FBXO21: variants seen among roughly 807,000 people sequenced by gnomAD.
The protein encoded by FBXO21 is F-box only protein 21.
FBXO21 carries 32 observed loss-of-function variants against 76.6 expected under a neutral mutation model. The observed-to-expected ratio is 0.42, with a 90% CI of 0.32 to 0.56. The LOEUF (loss-of-function observed/expected upper bound fraction) is 0.56. Ranked by LOEUF, FBXO21 falls within the 20% of genes least tolerant of loss-of-function variation. The pLI is 0.16. For missense variants in FBXO21, 586 were observed against 797.3 expected, an observed-to-expected ratio of 0.73 and a Z score of 3.19; for synonymous variants, 328 against 311.5, an observed-to-expected ratio of 1.05 and a Z score of -0.56.
intron 3 of FBXO21, among the ~76,000 whole-genome samples, chr12:117,185,026 G>A (rs1485519517): frequency 6.6e-6 from 1 of 152,048 alleles, no homozygotes; most frequent in Admixed American, 6.6e-5. Flanking sequence ...TGTAAACAGA[G>A]GGAATGGGGA....
At chr12:117,187,725 A>G (rs1336750716) in intron 2 of FBXO21, among the ~76,000 whole-genome samples, 1 of 152,250 alleles carries the variant, frequency 6.6e-6, no homozygotes, top group Non-Finnish European at 1.5e-5. Flanking sequence ...TTCAAAACAT[A>G]CACAAAACCA....
chr12:117,146,424 G>T, intron 11 of FBXO21, 147 bp from the exon 12 acceptor site: 1 of 651,208 alleles, frequency 1.5e-6, no homozygotes. Context: ...GTCAGGAGAG[G>T]GTAATGGGAA....
intron 6 of FBXO21, 58 bp from the exon 7 acceptor site, chr12:117,172,665 C>T: frequency 6.4e-7 from 1 of 1,557,532 alleles, no homozygotes; most frequent in Non-Finnish European, 8.8e-7. Context: ...CTCATTCTTT[C>T]AATAAACATT....
intron 1 of FBXO21, 26 bp downstream of exon 1, chr12:117,190,192 G>A (rs1204060257): frequency 6.4e-6 from 8 of 1,245,764 alleles, no homozygotes; most frequent in Admixed American, 7.8e-5. Flanking sequence ...TGGGCGCGCA[G>A]CCGGGGCGCG....
At chr12:117,170,186 T>C (rs1956103716) in intron 7 of FBXO21, among the ~76,000 whole-genome samples, 1 of 146,236 alleles carries the variant, frequency 6.8e-6, no homozygotes. Flanking sequence ...AGAATAAATC[T>C]AACAAGATGT....
At chr12:117,153,854 C>T (rs1016712741) in intron 11 of FBXO21, among the ~76,000 whole-genome samples, 1 of 152,226 alleles carries the variant, frequency 6.6e-6, no homozygotes, top group Non-Finnish European at 1.5e-5. Context: ...AACCAACAAG[C>T]AGATATTAAT....
chr12:117,174,003 T>C (rs1956146142), intron 6 of FBXO21, among the ~76,000 whole-genome samples: 1 of 151,840 alleles, frequency 6.6e-6, no homozygotes, highest in South Asian at 2.1e-4. Flanking sequence ...ATTAGCCGGG[T>C]GTGGTGGCAT....
At chr12:117,162,615 T>C (rs1002621723) in intron 9 of FBXO21, among the ~76,000 whole-genome samples, 3 of 152,206 alleles carry the variant, frequency 2.0e-5, no homozygotes, top group African/African-American at 7.2e-5. Flanking sequence ...CCAAGGCGGC[T>C]GATGTTTCTT....
chr12:117,175,347 C>A (rs12298285), intron 4 of FBXO21, among the ~76,000 whole-genome samples: 2 of 152,170 alleles, frequency 1.3e-5, no homozygotes, highest in South Asian at 4.1e-4. Context: ...GCTCGGGGAA[C>A]CTACAGCTGA....
chr12:117,182,564 C>CTTTTTTTTT (rs891529583), intron 3 of FBXO21, among the ~76,000 whole-genome samples: 6 of 83,338 alleles, frequency 7.2e-5, no homozygotes, highest in South Asian at 5.5e-4. Context: ...GCAAGAGGAT[C>CTTTTTTTTT]TTTTTTTTTT....
chr12:117,159,317 A>G (rs1160881116), intron 9 of FBXO21, among the ~76,000 whole-genome samples: 3 of 151,672 alleles, frequency 2.0e-5, no homozygotes, highest in Admixed American at 6.6e-5. Context: ...GTGGAAAAAA[A>G]AAAAAAGCTT....
chr12:117,181,706 G>A (rs1054265017), intron 3 of FBXO21, among the ~76,000 whole-genome samples: 1 of 152,030 alleles, frequency 6.6e-6, no homozygotes, highest in South Asian at 2.1e-4. Context: ...CTGGAGTGCA[G>A]CGGCATAATG....
intron 9 of FBXO21, among the ~76,000 whole-genome samples, chr12:117,161,019 G>C (rs1565998848): frequency 6.6e-6 from 1 of 152,174 alleles, no homozygotes; most frequent in Non-Finnish European, 1.5e-5. Flanking sequence ...GAAGGCGACA[G>C]TTAGGAACAA....
intron 1 of FBXO21, 83 bp from the exon 2 acceptor site, chr12:117,189,445 G>C: frequency 6.6e-7 from 1 of 1,506,868 alleles, no homozygotes. Context: ...TGGAAACAGG[G>C]ACAGCAGTGG....
At chr12:117,152,642 A>C (rs4767503) in intron 11 of FBXO21, among the ~76,000 whole-genome samples, 55,054 of 152,010 alleles carry the variant, frequency 0.36, 11,616 homozygotes, top group Admixed American at 0.54. Flanking sequence ...TTTAAGAAAC[A>C]AGCCAAAAAT....
At chr12:117,182,184 C>G (rs185758514) in intron 3 of FBXO21, among the ~76,000 whole-genome samples, 1 of 152,092 alleles carries the variant, frequency 6.6e-6, no homozygotes, top group Non-Finnish European at 1.5e-5. Flanking sequence ...TTTTTAAATG[C>G]GGGGTATTCT....
At chr12:117,189,182 T>C (rs532425383) in intron 2 of FBXO21, 45 bp downstream of exon 2, 7 of 1,613,226 alleles carry the variant, frequency 4.3e-6, no homozygotes, top group Admixed American at 1.7e-5. Flanking sequence ...CCCAGACACA[T>C]ACACCAGCAA....
chr12:117,172,714 T>C, intron 6 of FBXO21, 107 bp from the exon 7 acceptor site: 1 of 1,177,856 alleles, frequency 8.5e-7, no homozygotes, highest in East Asian at 2.5e-5. Flanking sequence ...ATGATGCTCA[T>C]TTGTGAGGCT....
rs191381869 is a variant in FBXO21, at chr12:117,187,219, G to A, written c.376-648C>T. Reference sequence around the variant, plus strand: ...GCGGATCACCTGAGGTCAGGAGCTCGAGACCAGCCTGACCAACATAGAGAA... The same window carrying A: ...GCGGATCACCTGAGGTCAGGAGCTCAAGACCAGCCTGACCAACATAGAGAA... On this transcript the variant is annotated intron_variant, in intron 2 of 11. Transcript: ENST00000622495. Among the ~76,000 whole-genome samples the A allele has an allele frequency of 3.9e-3, 586 of 151,804 alleles. 2 individuals are homozygous for A. Among genetic ancestry groups the A allele is most frequent in the Non-Finnish European group, 5.0e-3 (339 of 67,950 alleles).
Sources: allele counts gnomAD v4.1 joint callset (sites outside exome capture counted in the v4.1 genomes callset), GRCh38; gene constraint gnomAD v4.1.1; transcripts MANE v1.5; gene names NCBI Gene and HGNC (gene_info 2026-07-23, HGNC 2026-07-21).